Variants in ZNF385D observed in about 807,000 individuals in gnomAD.
The protein encoded by ZNF385D is zinc finger protein 385D.
ZNF385D carries 15 observed loss-of-function variants against 35.8 expected under a neutral mutation model. That is an observed-to-expected ratio of 0.42 (90% CI 0.28 to 0.64). The LOEUF is 0.64. ZNF385D is among the 30% of genes least tolerant of loss of function. The probability of loss-of-function intolerance (pLI) is 0.23; values close to 1 mark genes in which losing one functional copy is unlikely to be tolerated. For missense variants in ZNF385D, 474 were observed against 494.6 expected (o/e 0.96, Z 0.39); for synonymous variants, 212 against 186.8 (o/e 1.13, Z -1.10).
At chr3:22,084,444 C>G (rs961565755) in intron 3 of ZNF385D, among the ~76,000 whole-genome samples, 1 of 152,224 alleles carries the variant, frequency 6.6e-6, no homozygotes, top group Non-Finnish European at 1.5e-5. Flanking sequence ...TCTGATTAAA[C>G]AGACTTTAAA....
intron 4 of ZNF385D, among the ~76,000 whole-genome samples, chr3:21,480,100 AT>A (rs369558911): frequency 0.06 from 8,003 of 133,454 alleles, 216 homozygotes; most frequent in South Asian, 0.09. Flanking sequence ...GAATGTAAGA[AT>A]TTTTTTTTTT....
At chr3:22,009,989 G>A (rs1305932611) in intron 3 of ZNF385D, among the ~76,000 whole-genome samples, 1 of 151,970 alleles carries the variant, frequency 6.6e-6, no homozygotes, top group South Asian at 2.1e-4. Flanking sequence ...CATAAAAAGG[G>A]CATAAAGGAA....
At chr3:21,500,690 T>A (rs1215945719) in intron 4 of ZNF385D, among the ~76,000 whole-genome samples, 2 of 151,896 alleles carry the variant, frequency 1.3e-5, no homozygotes, top group Admixed American at 1.3e-4. Flanking sequence ...TGGGCAGGAG[T>A]TGAGAAGAAA....
At chr3:21,591,651 C>A (rs546845868) in intron 2 of ZNF385D, among the ~76,000 whole-genome samples, 3 of 152,168 alleles carry the variant, frequency 2.0e-5, no homozygotes, top group Non-Finnish European at 2.9e-5. Context: ...TTAACCTGCA[C>A]AGGGTCACAC....
At chr3:21,801,298 C>A (rs1004031442) in intron 3 of ZNF385D, among the ~76,000 whole-genome samples, 6 of 151,984 alleles carry the variant, frequency 3.9e-5, no homozygotes, top group African/African-American at 1.4e-4. Context: ...CTTTTGATGT[C>A]TTTATCTGGT....
intron 2 of ZNF385D, among the ~76,000 whole-genome samples, chr3:22,283,457 AAGC>A (rs1422379451): frequency 6.6e-6 from 1 of 152,180 alleles, no homozygotes; most frequent in Non-Finnish European, 1.5e-5. Context: ...TCAGATATGT[AAGC>A]AGATGTCCAA....
chr3:22,362,032 A>C (rs1420191929), intron 2 of ZNF385D, among the ~76,000 whole-genome samples: 1 of 151,338 alleles, frequency 6.6e-6, no homozygotes, highest in Non-Finnish European at 1.5e-5. Context: ...ATTAGTTATA[A>C]TTATATTATT....
At chr3:21,794,555 G>A (rs534851470) in intron 3 of ZNF385D, among the ~76,000 whole-genome samples, 5 of 152,118 alleles carry the variant, frequency 3.3e-5, no homozygotes, top group East Asian at 1.9e-4. Flanking sequence ...TTTGATATGC[G>A]GTGGGGGCTT....
intron 3 of ZNF385D, among the ~76,000 whole-genome samples, chr3:22,104,772 T>A (rs1250340545): frequency 8.5e-5 from 13 of 152,120 alleles, no homozygotes; most frequent in Admixed American, 8.5e-4. Context: ...CTAGTAAATA[T>A]GAATCATATT....
Position 22,112,434 on chromosome 3 carries a change from A to T in ZNF385D, c.325+56383T>A, listed in dbSNP as rs541751239. 3.9e-5 allele frequency among the ~76,000 whole-genome samples: 6 copies of T among 152,288 alleles called. No homozygotes were observed. The East Asian group carries it at 1.2e-3, about 29-fold the overall frequency. On this transcript the variant is annotated intron_variant, in intron 3 of 5. Coordinates refer to the ZNF385D transcript ENST00000494108. ...TATACTTTTTAGAGGACGTAAAAAG[A>T]ATGACAGCGGTGGGTGACAGCATTA...
intron 1 of ZNF385D, among the ~76,000 whole-genome samples, chr3:21,746,114 A>C (rs1206624610): frequency 2.0e-5 from 3 of 152,250 alleles, no homozygotes; most frequent in African/African-American, 7.2e-5. Context: ...GCGTTCAGTC[A>C]AAAGCAACTG....
intron 3 of ZNF385D, among the ~76,000 whole-genome samples, chr3:22,010,960 A>G (rs909760286): frequency 1.3e-5 from 2 of 152,182 alleles, no homozygotes; most frequent in Non-Finnish European, 2.9e-5. Context: ...CCAAAGATAC[A>G]TGAATACATG....
intron 3 of ZNF385D, among the ~76,000 whole-genome samples, chr3:21,964,634 T>G (rs1414450851): frequency 5.3e-5 from 8 of 151,680 alleles, no homozygotes; most frequent in African/African-American, 1.9e-4. Context: ...GGTTTACAGG[T>G]GCCTGCCACC....
intron 2 of ZNF385D, among the ~76,000 whole-genome samples, chr3:21,571,907 C>T (rs1205504196): frequency 6.6e-6 from 1 of 152,144 alleles, no homozygotes; most frequent in Non-Finnish European, 1.5e-5. Flanking sequence ...TGATGCATTA[C>T]CCTCCCTACA....
chr3:21,890,110 CATATAT>C (rs1425194775), intron 3 of ZNF385D, among the ~76,000 whole-genome samples: 1 of 152,098 alleles, frequency 6.6e-6, no homozygotes, highest in Non-Finnish European at 1.5e-5. Flanking sequence ...TGGCTTCAAA[CATATAT>C]ATATCTTTTT....
intron 2 of ZNF385D, among the ~76,000 whole-genome samples, chr3:22,195,237 T>C (rs1487162913): frequency 1.3e-5 from 2 of 151,946 alleles, no homozygotes; most frequent in South Asian, 2.1e-4. Flanking sequence ...TATTGAACAC[T>C]TTTTTTCTTA....
At chr3:22,227,326 C>A (rs1425492616) in intron 2 of ZNF385D, among the ~76,000 whole-genome samples, 1 of 152,004 alleles carries the variant, frequency 6.6e-6, no homozygotes, top group Non-Finnish European at 1.5e-5. Context: ...TTCTTCTGTC[C>A]TCCTGCCATC....
At chr3:21,833,916 G>C (rs1048648959) in intron 3 of ZNF385D, among the ~76,000 whole-genome samples, 4 of 152,152 alleles carry the variant, frequency 2.6e-5, no homozygotes, top group Non-Finnish European at 5.9e-5. Context: ...ATGCTAGCTA[G>C]TATAGCCATT....
At chr3:21,966,850 G>C (rs975146108) in intron 3 of ZNF385D, among the ~76,000 whole-genome samples, 3 of 152,200 alleles carry the variant, frequency 2.0e-5, no homozygotes, top group Non-Finnish European at 2.9e-5. Flanking sequence ...CGAGGCCGAA[G>C]GATTATAGGG....
Sources: allele counts gnomAD v4.1 joint callset (sites outside exome capture counted in the v4.1 genomes callset), GRCh38; gene constraint gnomAD v4.1.1; transcripts MANE v1.5; gene names NCBI Gene and HGNC (gene_info 2026-07-23, HGNC 2026-07-21).